LAX1: variants seen among roughly 807,000 people sequenced by gnomAD.
LAX1 encodes lymphocyte transmembrane adapter 1.
Under a neutral mutation model 20.7 loss-of-function variants are expected in LAX1, and 17 were observed. The ratio of observed to expected loss-of-function variants is 0.82; its 90% CI spans 0.56 to 1.23. The LOEUF is 1.23. Among genes scored for constraint, LAX1 ranks in the 50% most tolerant of loss-of-function variants. The probability of loss-of-function intolerance (pLI) is 0.00; values close to 1 mark genes in which losing one functional copy is unlikely to be tolerated. For synonymous variants in LAX1, 165 were observed against 181.0 expected (o/e 0.91, Z 0.71); for missense variants, 470 against 487.0 (o/e 0.97, Z 0.33).
Position 203,769,428 on chromosome 1 carries a change from AGAAAGAAAGAAAGAAG to A in LAX1, c.90-1387_90-1372del, listed in dbSNP as rs781340948. Among the ~76,000 whole-genome samples the A allele has an allele frequency of 8.4e-3, 862 of 102,774 alleles. 3 individuals carry two copies. The highest frequency in any genetic ancestry group is 0.014 in the Non-Finnish European group (604 of 42,060). The allele number at this position is 102,774 out of a possible 152,430, so 67.4% of individuals were successfully genotyped here. A position where few individuals can be genotyped will look rare whatever the true frequency, so the allele number is the denominator to read the frequency against. ...AAGAAAGAAAGAAAGAAAGAAAGAAAGAAAGAAAGAAAGAAGGAAAGAAAGAAAAGAAAAGAAAGAA... is the reference window on the plus strand; with the variant it reads ...AAGAAAGAAAGAAAGAAAGAAAGAAAGAAAGAAAGAAAAGAAAAGAAAGAA... On this transcript the variant is annotated intron_variant, in intron 1 of 4. Coordinates refer to ENST00000442561, the MANE Select transcript of LAX1 (RefSeq NM_017773.4).
At chr1:203,769,234 C>T (rs1667354460) in intron 1 of LAX1, among the ~76,000 whole-genome samples, 1 of 150,710 alleles carries the variant, frequency 6.6e-6, no homozygotes, top group Admixed American at 6.6e-5. Flanking sequence ...AATAAAAATA[C>T]AAAAAAAATT....
rs557837486 is a variant in LAX1 at position 203,770,293 on chromosome 1, G to A, written c.90-535G>A. 1.7e-4 allele frequency among the ~76,000 whole-genome samples: 25 copies of A among 151,406 alleles called. No individual in the cohort carries two copies. In the South Asian group the frequency reaches 5.3e-3, roughly 32 times the overall value. ...TAGCTGGGCCTCATGGCACGCTCCT[G>A]TAATCCCAGCTACTCTGGAGGCTGA... On this transcript the variant is annotated intron_variant, in intron 1 of 4. Transcript: ENST00000442561.
At position 203,772,146 on chromosome 1, in the gene LAX1, T is replaced by C. The variant is rs376407359; in HGVS notation, c.389T>C (p.Val130Ala). The change falls in exon 4 of 5, where the codon GTG becomes GCG. Residue 130 changes from valine to alanine, a missense_variant and splice_region_variant. Coordinates refer to ENST00000442561, the MANE Select transcript of LAX1 (RefSeq NM_017773.4). ...LSRNSESPEH[V>A]PSQAGNAFQE... is the part of the protein sequence containing the mutation. ...AGAAATTCTGAGAGCCCGGAGCATG[T>C]GGTAAGAGTCAAGCTTCTTGGGAGA... The C allele has an allele frequency of 9.9e-6, 16 of 1,610,990 alleles. No homozygotes were observed. In the African/African-American group the frequency reaches 2.1e-4, roughly 22 times the overall value.
At position 203,765,348 on chromosome 1, in the gene LAX1, A is replaced by T; in HGVS notation, c.-218A>T. The T allele has an allele frequency of 6.4e-7, 1 of 1,551,662 alleles. No individual in the cohort carries two copies. The highest frequency in any genetic ancestry group is 8.7e-7 in the Non-Finnish European group (1 of 1,146,972). On this transcript the variant is annotated 5_prime_UTR_variant, in exon 1 of 5. Transcript: ENST00000442561. ...CTTGGAAGCACCATGTCCGGATGAG[A>T]TCGCACTTCCTGCAGTGGGCATTAG... is the stretch of plus-strand genomic sequence containing the variant.
intron 4 of LAX1, among the ~76,000 whole-genome samples, chr1:203,773,438 G>C (rs1667453173): frequency 1.3e-5 from 2 of 151,994 alleles, no homozygotes; most frequent in Non-Finnish European, 2.9e-5. Context: ...TGGGCGACGA[G>C]AGCGAAACTC....
rs1191127943 is a variant in LAX1, at chr1:203,769,455, A to AAGGAAGAAAGG, written c.90-1372_90-1371insGGAAGAAAGGA. ...AAAGAAAGAAAGAAGGAAAGAAAGA[A>AAGGAAGAAAGG]AAGAAAAGAAAGAAAGTTGTATAAA... On this transcript the variant is annotated intron_variant, in intron 1 of 4. Transcript: ENST00000442561. Among the ~76,000 whole-genome samples, 642 of 66,430 alleles carry AAGGAAGAAAGG rather than the reference A, an allele frequency of 9.7e-3. 7 individuals are homozygous for AAGGAAGAAAGG. The highest frequency in any genetic ancestry group is 0.027 in the African/African-American group (585 of 21,628). The allele number at this position is 66,430 out of a possible 152,430, so 43.6% of individuals were successfully genotyped here.
chr1:203,770,324 G>A (rs1402769975), intron 1 of LAX1, among the ~76,000 whole-genome samples: 1 of 149,990 alleles, frequency 6.7e-6, no homozygotes, highest in Non-Finnish European at 1.5e-5. Flanking sequence ...GCTGAGGCAG[G>A]AGAATGGCTT....
intron 1 of LAX1, among the ~76,000 whole-genome samples, chr1:203,767,667 C>G (rs1159637583): frequency 6.6e-6 from 1 of 152,080 alleles, no homozygotes. Context: ...AATGGCTGTA[C>G]TACACTTAAA....
chr1:203,774,171 G>A lies in LAX1; in HGVS notation c.687G>A (p.Glu229=), dbSNP rs1326746225. The A allele has an allele frequency of 5.0e-6, 8 of 1,614,180 alleles. No individual in the cohort carries two copies. Among genetic ancestry groups the A allele is most frequent in the South Asian group, 1.1e-5 (1 of 91,068 alleles). Reference sequence around the variant, plus strand: ...GTACCCAGAAGCTGGAGTTTACTGAGGAAAGAGATGAGGGCTGTGGAGATG... The same window carrying A: ...GTACCCAGAAGCTGGAGTTTACTGAAGAAAGAGATGAGGGCTGTGGAGATG... ...LPSTQKLEFT[E]ERDEGCGDAG... The change falls in exon 5 of 5, where the codon GAG becomes GAA. Residue 229 remains glutamate, a synonymous_variant. Transcript: ENST00000442561.
chr1:203,770,140 G>A (rs1273734698), intron 1 of LAX1, among the ~76,000 whole-genome samples: 1 of 151,926 alleles, frequency 6.6e-6, no homozygotes, highest in Non-Finnish European at 1.5e-5. Flanking sequence ...TTCACAGGCC[G>A]GGCACGGTGG....
intron 1 of LAX1, among the ~76,000 whole-genome samples, chr1:203,770,565 G>GAAAGAAAGAAAGA (rs1388942670): frequency 1.3e-5 from 2 of 151,090 alleles, no homozygotes; most frequent in Non-Finnish European, 2.9e-5. Flanking sequence ...AAGAAAGAAA[G>GAAAGAAAGAAAGA]AAAGAGATTA....
chr1:203,770,482 G>A lies in LAX1; in HGVS notation c.90-346G>A, dbSNP rs1457117242. 2.8e-3 allele frequency among the ~76,000 whole-genome samples: 159 copies of A among 56,394 alleles called. 23 individuals are homozygous for A. In the East Asian group the frequency reaches 0.042, roughly 15 times the overall value. The allele number at this position is 56,394 out of a possible 152,430, so 37.0% of individuals were successfully genotyped here. A position where few individuals can be genotyped will look rare whatever the true frequency, so the allele number is the denominator to read the frequency against. On this transcript the variant is annotated intron_variant, in intron 1 of 4. Transcript: ENST00000442561. ...GGAAGGAAGGAAGGAAGGAAGGAAG[G>A]AAGGAAGGAAGGAAGGAAGGAAGGA...
At position 203,765,390 on chromosome 1, in the gene LAX1, C is replaced by A. The variant is rs1470252063; in HGVS notation, c.-176C>A. The A allele has an allele frequency of 2.6e-6, 4 of 1,551,684 alleles. No homozygotes were observed. The highest frequency in any genetic ancestry group is 1.4e-5 in the African/African-American group (1 of 73,046). ...GGGCATTAGCCACGTCCAGGTAGAACCAAACCTGTTGCTTTTGTATGTTGG... is the reference window on the plus strand; with the variant it reads ...GGGCATTAGCCACGTCCAGGTAGAAACAAACCTGTTGCTTTTGTATGTTGG... On this transcript the variant is annotated 5_prime_UTR_variant, in exon 1 of 5. Coordinates refer to ENST00000442561, the MANE Select transcript of LAX1 (RefSeq NM_017773.4).
chr1:203,771,288 G>T, intron 2 of LAX1, 79 bp from the exon 3 acceptor site: 1 of 892,088 alleles, frequency 1.1e-6, no homozygotes, highest in Non-Finnish European at 1.9e-6. Flanking sequence ...ATTTTCAGGG[G>T]CCATCTCATT....
Position 203,772,075 on chromosome 1 carries a change from T to C in LAX1, c.318T>C (p.His106=). 4 of 1,613,586 alleles carry C rather than the reference T, an allele frequency of 2.5e-6. No homozygotes were observed. The highest frequency in any genetic ancestry group is 3.4e-6 in the Non-Finnish European group (4 of 1,179,490). Residue 106 remains histidine (H), a synonymous_variant, in exon 4 of 5, where the codon CAT becomes CAC. Transcript: ENST00000442561. ...LPWRQEDLGR[H]ESRSMRIFST... ...TGTTCTCTGTCCTTTCAGGGAGACATGAGTCGAGGAGTATGCGCATTTTCA... is the reference window on the plus strand; with the variant it reads ...TGTTCTCTGTCCTTTCAGGGAGACACGAGTCGAGGAGTATGCGCATTTTCA...
chr1:203,768,872 T>C (rs2102264262), intron 1 of LAX1, among the ~76,000 whole-genome samples: 1 of 151,346 alleles, frequency 6.6e-6, no homozygotes, highest in Middle Eastern at 3.4e-3. Flanking sequence ...GAGCAAGAGG[T>C]GGTTGGGTTT....
At position 203,765,482 on chromosome 1, in the gene LAX1, G is replaced by A; in HGVS notation, c.-84G>A. 1 of 1,585,064 alleles carries A rather than the reference G, an allele frequency of 6.3e-7. No homozygotes were observed. Among genetic ancestry groups the A allele is most frequent in the Non-Finnish European group, 8.6e-7 (1 of 1,163,488 alleles). On this transcript the variant is annotated 5_prime_UTR_variant, in exon 1 of 5. It adds an upstream start codon to the 5' untranslated region. Coordinates refer to ENST00000442561, the MANE Select transcript of LAX1 (RefSeq NM_017773.4). ...GAGTTTGTTGCGGGGGTGGGGAGAA[G>A]TGGTAGACATGCTGGCTAACTGATT...
intron 1 of LAX1, among the ~76,000 whole-genome samples, chr1:203,770,095 C>G (rs1667378152): frequency 6.6e-6 from 1 of 151,976 alleles, no homozygotes; most frequent in Non-Finnish European, 1.5e-5. Flanking sequence ...TACTTGGCCA[C>G]AAAGTGTGAT....
At position 203,774,356 on chromosome 1, in the gene LAX1, G is replaced by T; in HGVS notation, c.872G>T (p.Cys291Phe). The change falls in exon 5 of 5, where the codon TGC becomes TTC. Residue 291 changes from cysteine (C) to phenylalanine (F), a missense_variant. Coordinates refer to ENST00000442561, the MANE Select transcript of LAX1 (RefSeq NM_017773.4). Reference protein sequence around the residue: ...ERQLWVAFQCCRDYENVPAAD... With the variant: ...ERQLWVAFQCFRDYENVPAAD... ...CAGCTCTGGGTGGCTTTTCAGTGCT[G>T]CAGAGACTATGAAAATGTTCCAGCA... The T allele has an allele frequency of 3.7e-6, 6 of 1,614,218 alleles. No individual in the cohort carries two copies. The highest frequency in any genetic ancestry group is 5.1e-6 in the Non-Finnish European group (6 of 1,180,040).
Sources: gnomAD v4.1 joint callset for allele counts (sites outside exome capture counted in the v4.1 genomes callset) on GRCh38, gnomAD v4.1.1 for gene constraint, MANE v1.5 for transcripts, NCBI Gene and HGNC (gene_info 2026-07-23, HGNC 2026-07-21) for gene names.